The following FLNC variants were observed in gnomAD, a reference collection of about 807,000 sequenced individuals.
The protein encoded by FLNC is filamin C.
A neutral mutation model predicts 254.3 loss-of-function variants in FLNC; 91 were observed. The ratio of observed to expected loss-of-function variants is 0.36; its 90% CI spans 0.30 to 0.43. The LOEUF is 0.43. Among genes scored for constraint, FLNC ranks in the 20% least tolerant of loss-of-function variants. The pLI is 1.00. For synonymous variants in FLNC, 1,430 were observed against 1,577.2 expected (o/e 0.91, Z 2.21); for missense variants, 2,853 against 3,802.6 (o/e 0.75, Z 6.57).
chr7:128,855,273 C>G lies in FLNC; in HGVS notation c.7210C>G (p.Leu2404Val), dbSNP rs764034824. Residue 2404 changes from leucine (L) to valine (V), a missense_variant, in exon 43 of 48, where the codon CTC becomes GTC. This residue lies in a region of FLNC where 551 missense variants were observed against 835.0 expected (regional missense o/e 0.66). Coordinates refer to ENST00000325888, the MANE Select transcript of FLNC (RefSeq NM_001458.5). ...DSPFVVPVAS[L>V]SDDARRLTVT... ...CCCCTTTGTGGTGCCTGTGGCCTCC[C>G]TCTCGGATGACGCTCGCCGTCTCAC... 3 of 1,613,748 alleles carry G rather than the reference C, an allele frequency of 1.9e-6. No individual in the cohort carries two copies. In the African/African-American group the frequency reaches 4.0e-5, roughly 22 times the overall value.
intron 21 of FLNC, 152 bp from the exon 22 acceptor site, chr7:128,845,838 G>A (rs1808538372): frequency 2.8e-6 from 2 of 707,750 alleles, no homozygotes. Flanking sequence ...GGGAGTTGGG[G>A]AGTGGGAGAG....
rs1808578185 is a variant in FLNC, at chr7:128,846,570, A to T, written c.4127+107A>T. The T allele has an allele frequency of 6.8e-6, 10 of 1,464,928 alleles. No individual in the cohort carries two copies. In the East Asian group the frequency reaches 2.3e-4, roughly 33 times the overall value. 90.7% of individuals were successfully genotyped at this position (1,464,928 alleles called of 1,614,324 possible). On this transcript the variant is annotated intron_variant, in intron 23 of 47. Transcript: ENST00000325888. ...CCTCAGCCCCACCCCATCCTCTCTC[A>T]GGGGTGAGGCAGGAGCAGACCCCCT...
chr7:128,854,362 C>CA (rs760862879), intron 40 of FLNC, 51 bp from the exon 41 acceptor site: 2 of 1,597,666 alleles, frequency 1.3e-6, no homozygotes, highest in South Asian at 2.3e-5. Context: ...AGGGAAGGGC[C>CA]AGGGCTAGGA....
intron 39 of FLNC, 61 bp from the exon 40 acceptor site, chr7:128,853,913 C>T: frequency 6.2e-7 from 1 of 1,613,088 alleles, no homozygotes; most frequent in Non-Finnish European, 8.5e-7. Context: ...CCTGTCGGGC[C>T]TCCACCCTGC....
At chr7:128,849,810 G>A (rs1285223927) in intron 30 of FLNC, among the ~76,000 whole-genome samples, 166 bp from the exon 31 acceptor site, 1 of 152,186 alleles carries the variant, frequency 6.6e-6, no homozygotes, top group African/African-American at 2.4e-5. Context: ...GGAGGAACCC[G>A]CTGTGCTCTC....
intron 8 of FLNC, among the ~76,000 whole-genome samples, chr7:128,839,761 G>A (rs2128934768): frequency 6.6e-6 from 1 of 152,352 alleles, no homozygotes; most frequent in South Asian, 2.1e-4. Context: ...GTCTCTCTGA[G>A]CCCACTCTCA....
chr7:128,835,229 G>A lies in FLNC; in HGVS notation c.353-97G>A. 1 of 1,557,328 alleles carries A rather than the reference G, an allele frequency of 6.4e-7. No homozygotes were observed. The highest frequency in any genetic ancestry group is 1.1e-5 in the South Asian group (1 of 89,244). ...GGCAGAGACTAGAGGCCTGACCCCA[G>A]AGCTCTGGCCCGAGGAGCTGCGCAG... is the stretch of plus-strand genomic sequence containing the variant. On this transcript the variant is annotated intron_variant, in intron 1 of 47. Coordinates refer to ENST00000325888, the MANE Select transcript of FLNC (RefSeq NM_001458.5). The surrounding 1 kb of genome is among the most constrained non-coding windows in gnomAD (Gnocchi z 5.3).
chr7:128,832,704 G>A (rs764922117), intron 1 of FLNC, among the ~76,000 whole-genome samples: 10 of 152,242 alleles, frequency 6.6e-5, no homozygotes, highest in Non-Finnish European at 1.0e-4. Context: ...CCTGGTTCCC[G>A]CTGGGAGGAA....
intron 35 of FLNC, among the ~76,000 whole-genome samples, chr7:128,851,959 G>A (rs113788245): frequency 3.9e-5 from 6 of 152,248 alleles, no homozygotes; most frequent in African/African-American, 7.2e-5. Flanking sequence ...TCCGCCTCCC[G>A]GGTTCATGCC....
At chr7:128,846,564 T>C in intron 23 of FLNC, 101 bp downstream of exon 23, 3 of 1,479,200 alleles carry the variant, frequency 2.0e-6, no homozygotes, top group Non-Finnish European at 2.8e-6. Context: ...CACCCCATCC[T>C]CTCTCAGGGG....
chr7:128,854,836 T>C lies in FLNC; in HGVS notation c.7059T>C (p.Gly2353=). The change falls in exon 42 of 48, where the codon GGT becomes GGC. Residue 2353 remains glycine, a synonymous_variant. Transcript: ENST00000325888. ...GGGGCCTGTCCATTGCTGTGGAGGG[T>C]CCTAGCAAAGCGGAGATTGCATTTG... ...GAGGLSIAVE[G]PSKAEIAFED... is the part of the protein sequence containing the mutation. 1 of 1,613,836 alleles carries C rather than the reference T, an allele frequency of 6.2e-7. No individual in the cohort carries two copies. Among genetic ancestry groups the C allele is most frequent in the Non-Finnish European group, 8.5e-7 (1 of 1,179,932 alleles).
chr7:128,849,242 G>A, intron 29 of FLNC, 38 bp downstream of exon 29: 1 of 1,614,152 alleles, frequency 6.2e-7, no homozygotes. Flanking sequence ...GTGTGGGCCA[G>A]GGTGGTTGGC....
intron 27 of FLNC, 21 bp downstream of exon 27, chr7:128,848,738 C>G (rs755423617): frequency 6.2e-7 from 1 of 1,614,014 alleles, no homozygotes; most frequent in South Asian, 1.1e-5. Context: ...GTGCATCCCA[C>G]CCCGCAGGTC....
At chr7:128,848,197 C>A in intron 26 of FLNC, 129 bp downstream of exon 26, 1 of 1,171,108 alleles carries the variant, frequency 8.5e-7, no homozygotes. Context: ...TCCAGTCTCG[C>A]CACCCCATCC....
intron 37 of FLNC, 145 bp from the exon 38 acceptor site, chr7:128,853,324 C>A: frequency 9.7e-7 from 1 of 1,027,676 alleles, no homozygotes; most frequent in Non-Finnish European, 1.5e-6. Context: ...GTGGTGCCCC[C>A]GCTCCTCCCA....
chr7:128,855,167 C>T (rs750631555), intron 42 of FLNC, 32 bp from the exon 43 acceptor site: 15 of 1,496,346 alleles, frequency 1.0e-5, no homozygotes, highest in South Asian at 3.4e-5. Context: ...ACCTCCATCC[C>T]GGAACCTGTG....
In FLNC at chr7:128,847,962, G is replaced by A. The variant is rs71581926; in HGVS notation, c.4474G>A (p.Glu1492Lys). 8.1e-6 allele frequency: 13 copies of A among 1,613,374 alleles called. No homozygotes were observed. The highest frequency in any genetic ancestry group is 1.1e-5 in the Non-Finnish European group (13 of 1,179,736). The change falls in exon 26 of 48, where the codon GAG (glutamate) becomes AAG (lysine). Residue 1492 changes from glutamate (E) to lysine (K), a missense_variant. Physicochemically the swap from Glu to Lys is moderately conservative, Grantham distance 56. Coordinates refer to ENST00000325888, the MANE Select transcript of FLNC (RefSeq NM_001458.5). ...LGPTGVAEPV[E>K]VRDNGDGTHT... ...TTGCCCAGGTGTGGCCGAGCCTGTGGAGGTGCGGGACAATGGAGATGGCAC... is the reference window on the plus strand; with the variant it reads ...TTGCCCAGGTGTGGCCGAGCCTGTGAAGGTGCGGGACAATGGAGATGGCAC...
At chr7:128,843,639 C>T in intron 18 of FLNC, 62 bp downstream of exon 18, 1 of 1,586,600 alleles carries the variant, frequency 6.3e-7, no homozygotes, top group Non-Finnish European at 8.7e-7. Flanking sequence ...GGTCTCCCTC[C>T]TCCAGTCCCA....
At position 128,853,741 on chromosome 7, in the gene FLNC, G is replaced by A. The variant is rs375778608; in HGVS notation, c.6388G>A (p.Gly2130Ser). The A allele has an allele frequency of 5.0e-6, 8 of 1,613,764 alleles. No individual in the cohort carries two copies. Among genetic ancestry groups the A allele is most frequent in the Non-Finnish European group, 6.8e-6 (8 of 1,180,044 alleles). Reference protein sequence around the residue: ...PGSPFTVKVTGEGRMKESITR... With the variant: ...PGSPFTVKVTSEGRMKESITR... ...AAGCCCCTTCACTGTGAAGGTGACC[G>A]GCGAGGGCCGCATGAAGGAGAGCAT... Residue 2130 changes from glycine to serine, a missense_variant, in exon 39 of 48, where the codon GGC becomes AGC. By Grantham distance (56) the Gly-to-Ser change is moderately conservative. Around this residue, in one of 10 missense-constraint regions of FLNC, gnomAD observed 551 missense variants for 835.0 expected, o/e 0.66. Coordinates refer to ENST00000325888, the MANE Select transcript of FLNC (RefSeq NM_001458.5).
Sources: allele counts gnomAD v4.1 joint callset (sites outside exome capture counted in the v4.1 genomes callset), GRCh38; gene constraint gnomAD v4.1.1; regional missense constraint gnomAD v4.1.1; non-coding constraint Gnocchi (gnomAD v3.1); transcripts MANE v1.5; gene names NCBI Gene and HGNC (gene_info 2026-07-23, HGNC 2026-07-21).